The following GSDMC variants were observed in gnomAD, a reference collection of about 807,000 sequenced individuals.
GSDMC encodes the protein gasdermin C, also known as gasdermin-C.
In GSDMC, 59 loss-of-function variants were observed where a neutral mutation model predicts 58.0. The observed-to-expected ratio is 1.02, with a 90% CI of 0.82 to 1.26. The LOEUF is 1.26. GSDMC is among the 50% of genes most tolerant of loss of function. GSDMC has a pLI of 0.00. For synonymous variants in GSDMC, 241 were observed against 220.2 expected, an observed-to-expected ratio of 1.09 and a Z score of -0.83; for missense variants, 659 against 598.5, an observed-to-expected ratio of 1.10 and a Z score of -1.06.
Position 129,749,513 on chromosome 8 carries a change from A to C in GSDMC, c.1226T>G (p.Phe409Cys). The change falls in exon 13 of 14, where the codon TTC becomes TGC. Residue 409 changes from phenylalanine to cysteine, a missense_variant. By Grantham distance (205) the Phe-to-Cys change is radical. Coordinates refer to ENST00000276708, the MANE Select transcript of GSDMC (RefSeq NM_031415.3). Reference protein sequence around the residue: ...LLEAIMVLSDFQHDLLACSME... With the variant: ...LLEAIMVLSDCQHDLLACSME... The stretch of plus-strand genomic sequence containing the variant: ...GGAACAGGCCAGCAAATCGTGTTGG[A>C]AGTCACTCAGCACTGAGGGTGGGGG... The C allele has an allele frequency of 6.2e-7, 1 of 1,613,522 alleles. No individual in the cohort carries two copies. The highest frequency in any genetic ancestry group is 8.5e-7 in the Non-Finnish European group (1 of 1,179,492).
chr8:129,730,531 T>A, the GSDMC span: 1 of 447,558 alleles, frequency 2.2e-6, no homozygotes, highest in Non-Finnish European at 3.5e-6. Context: ...ATTATTCTCT[T>A]AAAAAACATG....
chr8:129,759,240 G>T (rs1364224942), intron 6 of GSDMC, among the ~76,000 whole-genome samples: 1 of 151,964 alleles, frequency 6.6e-6, no homozygotes, highest in Non-Finnish European at 1.5e-5. Flanking sequence ...TAAATCTAAG[G>T]CCTCAAACTA....
At chr8:129,730,823 G>A in the GSDMC span, among the ~76,000 whole-genome samples, 18 of 152,248 alleles carry the variant, frequency 1.2e-4, no homozygotes, top group African/African-American at 4.1e-4. Flanking sequence ...TTGAAATGGG[G>A]CTACAGGCCG....
At chr8:129,707,584 G>A in the GSDMC span, among the ~76,000 whole-genome samples, 1 of 152,188 alleles carries the variant, frequency 6.6e-6, no homozygotes, top group Middle Eastern at 3.4e-3. Flanking sequence ...ATTCAAAATT[G>A]GTAGTCTGTA....
At chr8:129,752,439 G>A (rs1335376601) in intron 7 of GSDMC, among the ~76,000 whole-genome samples, 1 of 152,182 alleles carries the variant, frequency 6.6e-6, no homozygotes, top group South Asian at 2.1e-4. Flanking sequence ...GGAAATGGAG[G>A]AGCATGACTG....
intron 6 of GSDMC, among the ~76,000 whole-genome samples, chr8:129,753,948 G>A (rs2033328606): frequency 6.6e-6 from 1 of 152,154 alleles, no homozygotes; most frequent in East Asian, 1.9e-4. Context: ...GGAAAACTTT[G>A]TCTTGTGATT....
rs371164178 is a variant in GSDMC at position 129,762,690 on chromosome 8, C to T, written c.612G>A (p.Ala204=). 53 of 1,613,716 alleles carry T rather than the reference C, an allele frequency of 3.3e-5. No individual in the cohort carries two copies. The highest frequency in any genetic ancestry group is 4.5e-5 in the East Asian group (2 of 44,888). ...TCACCATGCCTTTCTGAAGAGTCAG[C>T]GCCTTCTTCTTCACTCTGAGACTCT... ...QGESLRVKKK[A]LTLQKGMVMA... is the part of the protein sequence containing the mutation. Residue 204 remains alanine, a synonymous_variant, in exon 5 of 14, where the codon GCG becomes GCA. Coordinates refer to ENST00000276708, the MANE Select transcript of GSDMC (RefSeq NM_031415.3).
rs138288375 is a variant in GSDMC at position 129,777,499 on chromosome 8, G to A, written c.89C>T (p.Ala30Val). ...TATAACAAACTGACGTAATTTGGTG[G>A]CACTCAATAGGTATTTGACAGGTGT... is the stretch of plus-strand genomic sequence containing the variant. ...DLTPVKYLLS[A>V]TKLRQFVILR... Residue 30 changes from alanine to valine, a missense_variant, in exon 2 of 14, where the codon GCC becomes GTC. Ala to Val is a moderately conservative substitution (Grantham distance 64, BLOSUM62 0). Coordinates refer to ENST00000276708, the MANE Select transcript of GSDMC (RefSeq NM_031415.3). 1.9e-6 allele frequency: 3 copies of A among 1,612,386 alleles called. No individual in the cohort carries two copies. In the African/African-American group the frequency reaches 4.0e-5, roughly 22 times the overall value.
intron 10 of GSDMC, 67 bp downstream of exon 10, chr8:129,751,475 C>A: frequency 7.3e-7 from 1 of 1,363,506 alleles, no homozygotes; most frequent in South Asian, 1.3e-5. Context: ...TAGAAACCAC[C>A]AACTTGGGTG....
Position 129,760,546 on chromosome 8 carries a change from A to G in GSDMC, c.720T>C (p.Asp240=), listed in dbSNP as rs1440145662. 4.4e-6 allele frequency: 7 copies of G among 1,585,308 alleles called. No individual in the cohort carries two copies. In the East Asian group the frequency reaches 8.9e-5, roughly 20 times the overall value. ...SDDDEQRTFQ[D]EYEISEMVGY... ...AAAAGACCAGGCTTTGGAACTCACC[A>G]TCTTGAAAGGTTCTCTGTTCATCAT... The change falls in exon 6 of 14, where the codon GAT becomes GAC. Residue 240 remains aspartate, a splice_region_variant and synonymous_variant. Coordinates refer to ENST00000276708, the MANE Select transcript of GSDMC (RefSeq NM_031415.3).
At chr8:129,781,546 C>T (rs574901801) in intron 1 of GSDMC, among the ~76,000 whole-genome samples, 72 of 152,168 alleles carry the variant, frequency 4.7e-4, no homozygotes, top group African/African-American at 1.4e-3. Context: ...AGATCGAGAC[C>T]GTCCTGGCTA....
chr8:129,764,322 GT>G (rs1022467138), intron 4 of GSDMC, among the ~76,000 whole-genome samples: 10 of 152,028 alleles, frequency 6.6e-5, no homozygotes, highest in Non-Finnish European at 1.5e-4. Context: ...AGTGGTTGGG[GT>G]TTTTTTAGTT....
chr8:129,785,036 A>G (rs1450050017), intron 1 of GSDMC, among the ~76,000 whole-genome samples: 1 of 152,114 alleles, frequency 6.6e-6, no homozygotes, highest in African/African-American at 2.4e-5. Context: ...AACATGGAGA[A>G]ACCCCGCTCT....
chr8:129,707,451 T>A, the GSDMC span, among the ~76,000 whole-genome samples: 1 of 152,168 alleles, frequency 6.6e-6, no homozygotes, highest in African/African-American at 2.4e-5. Context: ...TTACTCAATA[T>A]CATTCTAAGG....
intron 1 of GSDMC, among the ~76,000 whole-genome samples, chr8:129,779,618 A>G (rs2034350579): frequency 1.3e-5 from 2 of 151,840 alleles, no homozygotes; most frequent in Admixed American, 6.6e-5. Context: ...AAATAAAAGT[A>G]TAAAAAAGAA....
At position 129,750,479 on chromosome 8, in the gene GSDMC, G is replaced by A. The variant is rs1297179895; in HGVS notation, c.1035C>T (p.Ile345=). 3 of 1,613,960 alleles carry A rather than the reference G, an allele frequency of 1.9e-6. No homozygotes were observed. The highest frequency in any genetic ancestry group is 2.5e-6 in the Non-Finnish European group (3 of 1,179,854). The change falls in exon 11 of 14, where the codon ATC becomes ATT. Residue 345 remains isoleucine, a synonymous_variant. Transcript: ENST00000276708. ...CCCCTCTGTCTCTGAGCATGGCCAG[G>A]ATACTGTAGAACATGACATCCTGAA... ...KDVQDVMFYS[I]LAMLRDRGAL...
downstream of GSDMC, among the ~76,000 whole-genome samples, chr8:129,745,293 C>T (rs2032936791): frequency 6.6e-6 from 1 of 152,178 alleles, no homozygotes; most frequent in Non-Finnish European, 1.5e-5. Flanking sequence ...CTAGTTTTCT[C>T]CTTACTTTAC....
At position 129,786,297 on chromosome 8, in the gene GSDMC, AC is replaced by A. The variant is rs2034553540; in HGVS notation, c.-292del. ...CAGTGAGCTGAGACCATGCCGCTGC[AC>A]TCCAGCCTGGGCAACTCCGTCTCAA... On this transcript the variant is annotated 5_prime_UTR_variant, in exon 1 of 14. The change creates a new upstream start codon in the 5' untranslated region. Coordinates refer to ENST00000276708, the MANE Select transcript of GSDMC (RefSeq NM_031415.3). The A allele has an allele frequency of 6.6e-6, 1 of 150,430 alleles. No individual in the cohort carries two copies. The highest frequency in any genetic ancestry group is 6.7e-5 in the Admixed American group (1 of 14,934). 9.3% of individuals were successfully genotyped at this position (150,430 alleles called of 1,614,324 possible).
At chr8:129,780,319 C>T (rs540662716) in intron 1 of GSDMC, among the ~76,000 whole-genome samples, 7 of 152,088 alleles carry the variant, frequency 4.6e-5, no homozygotes, top group African/African-American at 1.4e-4. Context: ...AGATTTAAGC[C>T]AAAGAAGACT....
Sources: gnomAD v4.1 joint callset for allele counts (sites outside exome capture counted in the v4.1 genomes callset) on GRCh38, gnomAD v4.1.1 for gene constraint, MANE v1.5 for transcripts, NCBI Gene and HGNC (gene_info 2026-07-23, HGNC 2026-07-21) for gene names.